GRAMD4: variants seen among roughly 807,000 people sequenced by gnomAD.
The protein encoded by GRAMD4 is GRAM domain containing 4.
A neutral mutation model predicts 83.9 loss-of-function variants in GRAMD4; 25 were observed. The observed-to-expected ratio is 0.30, with a 90% CI of 0.22 to 0.42. The LOEUF is 0.42. Among genes scored for constraint, GRAMD4 ranks in the 10% least tolerant of loss-of-function variants. GRAMD4 has a pLI of 1.00. For missense variants in GRAMD4, 593 were observed against 788.7 expected (o/e 0.75, Z 2.97); for synonymous variants, 336 against 320.9 (o/e 1.05, Z -0.50).
chr22:46,682,272 T>G (rs1428698881), downstream of GRAMD4: 3 of 245,518 alleles, frequency 1.2e-5, no homozygotes, highest in African/African-American at 6.9e-5. Flanking sequence ...TGCCATCCTC[T>G]CTGCTCAACT....
chr22:46,671,394 G>C (rs936689587), intron 13 of GRAMD4, among the ~76,000 whole-genome samples: 1 of 152,166 alleles, frequency 6.6e-6, no homozygotes. Context: ...AATACAAAAT[G>C]TAGCCGCGTG....
At position 46,675,450 on chromosome 22, in the gene GRAMD4, T is replaced by C; in HGVS notation, c.1479-18T>C. 1 of 1,590,568 alleles carries C rather than the reference T, an allele frequency of 6.3e-7. No homozygotes were observed. The highest frequency in any genetic ancestry group is 8.6e-7 in the Non-Finnish European group (1 of 1,158,966). On this transcript the variant is annotated intron_variant, in intron 16 of 18. Coordinates refer to ENST00000406902, the MANE Select transcript of GRAMD4 (RefSeq NM_015124.5). ...TGGTTCAAGAGCCAGGCGACGCCTC[T>C]GTCCGTTCCCCTTCCAGTTACTTGT...
intron 3 of GRAMD4, 63 bp from the exon 4 acceptor site, chr22:46,658,124 C>A: frequency 6.2e-7 from 1 of 1,603,988 alleles, no homozygotes; most frequent in Non-Finnish European, 8.5e-7. Context: ...CCTGCCCCAG[C>A]ATCCCAGAGT....
intron 3 of GRAMD4, among the ~76,000 whole-genome samples, chr22:46,638,864 C>T (rs566861103): frequency 7.2e-5 from 11 of 152,302 alleles, no homozygotes; most frequent in African/African-American, 2.4e-4. Context: ...GGGTGTCGTG[C>T]CCAGCCAGGG....
rs190021349 is a variant in GRAMD4 at position 46,588,512 on chromosome 22, G to A, written c.-50+11222G>A. Among the ~76,000 whole-genome samples, 15 of 152,356 alleles carry A rather than the reference G, an allele frequency of 9.8e-5. No homozygotes were observed. The East Asian group carries it at 2.7e-3, about 27-fold the overall frequency. On this transcript the variant is annotated intron_variant, in intron 1 of 1. Coordinates refer to the GRAMD4 transcript ENST00000431155. The stretch of plus-strand genomic sequence containing the variant: ...AACCACTACAGAGGGCAAGAGGGGA[G>A]CTGTGGCCTCTGGCCAGCCACGTTC...
At chr22:46,625,066 C>T (rs1044820181) in intron 1 of GRAMD4, among the ~76,000 whole-genome samples, 7 of 151,872 alleles carry the variant, frequency 4.6e-5, no homozygotes, top group South Asian at 2.1e-4. Context: ...TTCACCGTGT[C>T]AGCCAAGATG....
intron 9 of GRAMD4, among the ~76,000 whole-genome samples, chr22:46,666,464 G>C (rs1365244350): frequency 6.6e-6 from 1 of 152,238 alleles, no homozygotes; most frequent in Non-Finnish European, 1.5e-5. Context: ...GTTTTTTGTA[G>C]AAATCACTTA....
chr22:46,590,176 G>T (rs111415224), intron 1 of GRAMD4, among the ~76,000 whole-genome samples: 1 of 152,204 alleles, frequency 6.6e-6, no homozygotes, highest in Non-Finnish European at 1.5e-5. Context: ...CTACTGGGCC[G>T]CCTGGACAGC....
intron 1 of GRAMD4, among the ~76,000 whole-genome samples, chr22:46,595,530 C>T (rs2081253682): frequency 6.6e-6 from 1 of 152,190 alleles, no homozygotes; most frequent in Non-Finnish European, 1.5e-5. Context: ...GTAGAGGATT[C>T]CACATTTTGA....
chr22:46,648,642 A>G (rs2082107711), intron 3 of GRAMD4, among the ~76,000 whole-genome samples: 1 of 150,144 alleles, frequency 6.7e-6, no homozygotes, highest in South Asian at 2.1e-4. Context: ...CATCAATGAG[A>G]AGGCAAACGA....
chr22:46,588,137 C>T (rs1182116063), intron 1 of GRAMD4, among the ~76,000 whole-genome samples: 2 of 152,058 alleles, frequency 1.3e-5, no homozygotes, highest in Non-Finnish European at 2.9e-5. Flanking sequence ...CTAAACCGGA[C>T]ATCTAGAGCT....
intron 1 of GRAMD4, among the ~76,000 whole-genome samples, chr22:46,613,066 G>A (rs746260308): frequency 4.6e-5 from 7 of 152,256 alleles, no homozygotes; most frequent in African/African-American, 1.7e-4. Context: ...ACAAGACAGC[G>A]CTGCCTCCCC....
intron 1 of GRAMD4, chr22:46,587,960 G>A (rs760536847): frequency 1.0e-6 from 1 of 985,226 alleles, no homozygotes; most frequent in Non-Finnish European, 1.2e-6. Context: ...CAAAAGGCCT[G>A]AGGGTCCAGG....
intron 1 of GRAMD4, among the ~76,000 whole-genome samples, chr22:46,598,779 T>C (rs1301246444): frequency 6.6e-6 from 1 of 152,024 alleles, no homozygotes; most frequent in Non-Finnish European, 1.5e-5. Flanking sequence ...GTCCTCAAAA[T>C]CCGTGCGGGC....
At chr22:46,615,754 A>C (rs1476332565), upstream of GRAMD4, among the ~76,000 whole-genome samples, 2 of 7,666 alleles carry the variant, frequency 2.6e-4, no homozygotes, top group African/African-American at 1.1e-3. Flanking sequence ...CTGTGCGTGT[A>C]GGTTCCCCCT....
chr22:46,602,430 C>G (rs1026679096), intron 1 of GRAMD4, among the ~76,000 whole-genome samples: 1 of 152,102 alleles, frequency 6.6e-6, no homozygotes, highest in Non-Finnish European at 1.5e-5. Flanking sequence ...GTAGCCCCAA[C>G]GCTTTGCGAG....
At chr22:46,599,168 T>A (rs2081288896) in intron 1 of GRAMD4, among the ~76,000 whole-genome samples, 1 of 151,736 alleles carries the variant, frequency 6.6e-6, no homozygotes, top group Non-Finnish European at 1.5e-5. Context: ...ATGGGACCAC[T>A]GGGGGTCAGA....
chr22:46,660,790 C>G (rs574662925), intron 4 of GRAMD4, among the ~76,000 whole-genome samples: 9 of 152,324 alleles, frequency 5.9e-5, no homozygotes, highest in African/African-American at 1.4e-4. Context: ...CTCCCCACTC[C>G]CGCTTCCCAA....
intron 1 of GRAMD4, among the ~76,000 whole-genome samples, chr22:46,578,994 G>C (rs1331895739): frequency 1.3e-5 from 2 of 152,242 alleles, no homozygotes; most frequent in African/African-American, 2.4e-5. Context: ...CTGCTCTGCT[G>C]CTCTTTCCTC....
Sources: gnomAD v4.1 joint callset for allele counts (sites outside exome capture counted in the v4.1 genomes callset) on GRCh38, gnomAD v4.1.1 for gene constraint, MANE v1.5 for transcripts, NCBI Gene and HGNC (gene_info 2026-07-23, HGNC 2026-07-21) for gene names.